SPATA6L: variants seen among roughly 807,000 people sequenced by gnomAD.
The protein encoded by SPATA6L is spermatogenesis associated 6-like protein.
In SPATA6L, 68 loss-of-function variants were observed where a neutral mutation model predicts 49.2. That is an observed-to-expected ratio of 1.38 (90% CI 1.14 to 1.69). The LOEUF is 1.69. Ranked by LOEUF, SPATA6L falls within the 40% of genes most tolerant of loss-of-function variation. The probability of loss-of-function intolerance (pLI) is 0.00; values close to 1 mark genes in which losing one functional copy is unlikely to be tolerated. For missense variants in SPATA6L, 668 were observed against 464.3 expected (o/e 1.44, Z -4.03); for synonymous variants, 198 against 165.7 (o/e 1.19, Z -1.50).
chr9:4,606,004 G>T (rs942970472), intron 9 of SPATA6L, among the ~76,000 whole-genome samples: 1 of 152,144 alleles, frequency 6.6e-6, no homozygotes, highest in African/African-American at 2.4e-5. Flanking sequence ...CTCGGGAAGC[G>T]CAAGGGGTCA....
chr9:4,663,101 G>A (rs1840262256), intron 1 of SPATA6L: 3 of 1,613,952 alleles, frequency 1.9e-6, no homozygotes, highest in Non-Finnish European at 2.5e-6. Context: ...TGGTTCTGTG[G>A]GCCTTCGTCT....
chr9:4,666,195 G>A lies in SPATA6L; in HGVS notation c.39+17C>T. 1 of 1,613,920 alleles carries A rather than the reference G, an allele frequency of 6.2e-7. No homozygotes were observed. Among genetic ancestry groups the A allele is most frequent in the Non-Finnish European group, 8.5e-7 (1 of 1,179,838 alleles). On this transcript the variant is annotated intron_variant, in intron 1 of 11. Transcript: ENST00000682582. ...TCCGACTTGAGGTTAAGGAGGGGGA[G>A]TTCATCGATCTCTTACCGCCCGGAT...
chr9:4,665,579 G>C (rs1444218225), intron 1 of SPATA6L, among the ~76,000 whole-genome samples: 1 of 152,200 alleles, frequency 6.6e-6, no homozygotes, highest in African/African-American at 2.4e-5. Flanking sequence ...AGGAAAAGCG[G>C]CATGATATTC....
intron 7 of SPATA6L, among the ~76,000 whole-genome samples, chr9:4,619,639 G>T (rs759146069): frequency 5.9e-5 from 9 of 152,154 alleles, no homozygotes; most frequent in Non-Finnish European, 1.2e-4. Context: ...CATTTTCTTT[G>T]GTTTTCATGG....
intron 3 of SPATA6L, among the ~76,000 whole-genome samples, chr9:4,638,751 T>C (rs1833375199): frequency 6.6e-6 from 1 of 152,048 alleles, no homozygotes; most frequent in South Asian, 2.1e-4. Context: ...CTGAAGCTTA[T>C]AGTGTTAAGA....
At chr9:4,619,155 C>CTTTTT (rs57028759) in intron 7 of SPATA6L, among the ~76,000 whole-genome samples, 7 of 118,164 alleles carry the variant, frequency 5.9e-5, no homozygotes, top group Admixed American at 9.0e-5. Context: ...CAGGTTTTCT[C>CTTTTT]TTTTTTTTTT....
chr9:4,604,505 C>G (rs1290614378), intron 10 of SPATA6L, among the ~76,000 whole-genome samples: 3 of 152,134 alleles, frequency 2.0e-5, no homozygotes, highest in Non-Finnish European at 4.4e-5. Context: ...TCCTCAGCCT[C>G]CCAAAGTACT....
In SPATA6L at chr9:4,625,442, C is replaced by G. The variant is rs777942498; in HGVS notation, c.554G>C (p.Arg185Pro). The G allele has an allele frequency of 3.7e-6, 6 of 1,614,058 alleles. No homozygotes were observed. The highest frequency in any genetic ancestry group is 5.1e-6 in the Non-Finnish European group (6 of 1,180,004). The part of the protein sequence containing the change: ...LNRLPKGMQA[R>P]APSQYSTRHF... ...CCTGGTAGAATATTGAGAGGGCGCC[C>G]GGGCTTGCATGCCTTTGGGCAGTCT... Residue 185 changes from arginine (R) to proline (P), a missense_variant, in exon 6 of 12, where the codon CGG (arginine) becomes CCG (proline). Coordinates refer to ENST00000682582, the MANE Select transcript of SPATA6L (RefSeq NM_001353486.2).
At chr9:4,649,336 T>C (rs1404393815) in intron 3 of SPATA6L, among the ~76,000 whole-genome samples, 2 of 152,216 alleles carry the variant, frequency 1.3e-5, no homozygotes, top group African/African-American at 2.4e-5. Flanking sequence ...CTAGTTTACA[T>C]TCCCATCGGC....
At chr9:4,651,378 C>G (rs969948507) in intron 3 of SPATA6L, among the ~76,000 whole-genome samples, 3 of 151,984 alleles carry the variant, frequency 2.0e-5, no homozygotes, top group African/African-American at 4.8e-5. Context: ...AAAAAACAAC[C>G]CAAAGACAAG....
chr9:4,629,189 A>G, intron 4 of SPATA6L, 21 bp from the exon 5 acceptor site: 1 of 1,546,876 alleles, frequency 6.5e-7, no homozygotes, highest in Non-Finnish European at 8.8e-7. Context: ...GCATAAAAAA[A>G]GCAAATAAAA....
In SPATA6L at chr9:4,617,945, C is replaced by T. The variant is rs753870879; in HGVS notation, c.973G>A (p.Asp325Asn). 6.2e-7 allele frequency: 1 copy of T among 1,612,738 alleles called. No individual in the cohort carries two copies. Among genetic ancestry groups the T allele is most frequent in the East Asian group, 2.2e-5 (1 of 44,830 alleles). ...YQHSTSPGPL[D>N]QPLLRERFHP... The stretch of plus-strand genomic sequence containing the variant: ...GACCTTTCTCTGAGAAGGGGCTGAT[C>T]CAAGGGGCCAGGAGAGGTGGAATGC... The change falls in exon 9 of 12, where the codon GAT (aspartate) becomes AAT (asparagine). Residue 325 changes from aspartate (D) to asparagine (N), a missense_variant. Transcript: ENST00000682582.
chr9:4,604,909 C>G (rs189931856), intron 10 of SPATA6L, among the ~76,000 whole-genome samples: 2 of 152,282 alleles, frequency 1.3e-5, no homozygotes, highest in East Asian at 3.9e-4. Flanking sequence ...ACAGCCAAAA[C>G]CACCTTATTA....
At chr9:4,663,011 G>C (rs374634473) in intron 1 of SPATA6L, 6 of 1,613,464 alleles carry the variant, frequency 3.7e-6, no homozygotes, top group East Asian at 2.2e-5. Context: ...CCTTCCCCTC[G>C]GGCCATGCCA....
At chr9:4,646,424 C>G in intron 3 of SPATA6L, 1 of 1,233,114 alleles carries the variant, frequency 8.1e-7, no homozygotes, top group Non-Finnish European at 1.1e-6. Flanking sequence ...CCCATTTTGA[C>G]AGGCCAAATT....
chr9:4,662,575 G>A lies in SPATA6L; in HGVS notation c.40-539C>T. The A allele has an allele frequency of 1.3e-6, 2 of 1,587,728 alleles. No homozygotes were observed. Among genetic ancestry groups the A allele is most frequent in the South Asian group, 2.2e-5 (2 of 89,972 alleles). On this transcript the variant is annotated intron_variant, in intron 1 of 11. Coordinates refer to ENST00000682582, the MANE Select transcript of SPATA6L (RefSeq NM_001353486.2). This position sits in a 1 kb window ranked among gnomAD's most constrained non-coding sequence, Gnocchi z 4.9. Reference sequence around the variant, plus strand: ...CGTGCATCGGAGAGCCCAGTTCACCGCCGCGGCTCCTTCCCCCTGGCCGCG... The same window carrying A: ...CGTGCATCGGAGAGCCCAGTTCACCACCGCGGCTCCTTCCCCCTGGCCGCG...
At chr9:4,621,739 C>T (rs1245279660) in intron 7 of SPATA6L, among the ~76,000 whole-genome samples, 3 of 152,194 alleles carry the variant, frequency 2.0e-5, no homozygotes, top group Admixed American at 6.5e-5. Flanking sequence ...CTGCCTGCCT[C>T]GGCCTCCCGA....
At chr9:4,593,482 G>T (rs954161457), downstream of SPATA6L, among the ~76,000 whole-genome samples, 1 of 151,994 alleles carries the variant, frequency 6.6e-6, no homozygotes, top group Admixed American at 6.6e-5. Context: ...CCAGGGATGG[G>T]GAGTTGTCAG....
chr9:4,617,454 G>C (rs376604948), intron 9 of SPATA6L: 2 of 152,340 alleles, frequency 1.3e-5, no homozygotes, highest in African/African-American at 4.8e-5. Context: ...TTGCTCTCTG[G>C]CCTGCTCTCC....
Sources: allele counts gnomAD v4.1 joint callset (sites outside exome capture counted in the v4.1 genomes callset), GRCh38; gene constraint gnomAD v4.1.1; non-coding constraint Gnocchi (gnomAD v3.1); transcripts MANE v1.5; gene names NCBI Gene and HGNC (gene_info 2026-07-23, HGNC 2026-07-21).